The following MTCL2 variants were observed in gnomAD, a reference collection of about 807,000 sequenced individuals.
MTCL2 encodes microtubule crosslinking factor 2, also known as microtubule cross-linking factor 2.
the MTCL2 span, among the ~76,000 whole-genome samples, chr20:36,821,881 T>TG: frequency 4.6e-3 from 708 of 152,308 alleles, 3 homozygotes; most frequent in African/African-American, 0.016. Flanking sequence ...TACTACCTGC[T>TG]GGGGGGAAGG....
At chr20:36,793,186 A>C in the MTCL2 span, 2 of 1,468,388 alleles carry the variant, frequency 1.4e-6, no homozygotes, top group African/African-American at 2.8e-5. This position sits in a 1 kb window ranked among gnomAD's most constrained non-coding sequence, Gnocchi z 6.8. Flanking sequence ...AAAAACCAAA[A>C]GAGCTTGGAC....
the MTCL2 span, among the ~76,000 whole-genome samples, chr20:36,813,728 G>A: frequency 1.4e-5 from 2 of 142,874 alleles, no homozygotes; most frequent in African/African-American, 5.2e-5. Context: ...ACTCCAGCCT[G>A]GGCGACAGAG....
the MTCL2 span, chr20:36,862,926 A>G: frequency 7.4e-7 from 1 of 1,346,908 alleles, no homozygotes; most frequent in African/African-American, 1.5e-5. Flanking sequence ...GTCGCTGCTC[A>G]GCGCCAGCTC....
chr20:36,794,161 G>T, the MTCL2 span: 9 of 1,551,100 alleles, frequency 5.8e-6, no homozygotes, highest in Middle Eastern at 3.3e-4. The surrounding 1 kb of genome is among the most constrained non-coding windows in gnomAD (Gnocchi z 5.4). Context: ...GCCGTGAGAA[G>T]TTGCAGAGCC....
chr20:36,808,001 G>A, the MTCL2 span, among the ~76,000 whole-genome samples: 1 of 139,232 alleles, frequency 7.2e-6, no homozygotes, highest in South Asian at 2.5e-4. Context: ...TCAGCCTCCC[G>A]AGTAGCTGGG....
At chr20:36,839,175 TG>T in the MTCL2 span, 33 of 1,556,250 alleles carry the variant, frequency 2.1e-5, no homozygotes, top group Middle Eastern at 2.2e-4. This position sits in a 1 kb window ranked among gnomAD's most constrained non-coding sequence, Gnocchi z 5.1. Context: ...CTTAGACTTG[TG>T]GTCCCATCCC....
At chr20:36,781,705 A>G in the MTCL2 span, 4 of 150,460 alleles carry the variant, frequency 2.7e-5, no homozygotes, top group African/African-American at 7.3e-5. Flanking sequence ...AATAAATAAT[A>G]AATAAATAAA....
At chr20:36,841,874 G>GGGTGTGTGTGTGT in the MTCL2 span, among the ~76,000 whole-genome samples, 5 of 110,864 alleles carry the variant, frequency 4.5e-5, no homozygotes, top group African/African-American at 1.6e-4. Flanking sequence ...TGGGGGGTGG[G>GGGTGTGTGTGTGT]GTGTGTGTGT....
the MTCL2 span, among the ~76,000 whole-genome samples, chr20:36,817,130 G>T: frequency 6.6e-6 from 1 of 151,954 alleles, no homozygotes; most frequent in Non-Finnish European, 1.5e-5. Context: ...AGCCAGGTGT[G>T]GTGGTGCACG....
chr20:36,804,937 T>A, the MTCL2 span: 19 of 1,596,964 alleles, frequency 1.2e-5, no homozygotes, highest in South Asian at 2.0e-4. Flanking sequence ...GTCAAGAGCC[T>A]CTGTGGGGTA....
the MTCL2 span, among the ~76,000 whole-genome samples, chr20:36,825,561 G>GCCCAA: frequency 6.6e-6 from 1 of 152,188 alleles, no homozygotes; most frequent in Admixed American, 6.5e-5. Context: ...CCTCGGCCAG[G>GCCCAA]GTCTGCCACC....
the MTCL2 span, chr20:36,793,862 C>T: frequency 4.5e-6 from 7 of 1,548,004 alleles, no homozygotes; most frequent in African/African-American, 5.5e-5. This position sits in a 1 kb window ranked among gnomAD's most constrained non-coding sequence, Gnocchi z 6.8. Flanking sequence ...CGAAGAGCTG[C>T]GGGGTGACCA....
the MTCL2 span, among the ~76,000 whole-genome samples, chr20:36,814,752 T>C: frequency 9.2e-5 from 14 of 152,040 alleles, no homozygotes; most frequent in Non-Finnish European, 1.6e-4. Context: ...CCAGGCATGA[T>C]GGAGGGCGCC....
the MTCL2 span, among the ~76,000 whole-genome samples, chr20:36,826,210 C>T: frequency 2.6e-5 from 4 of 150,980 alleles, no homozygotes; most frequent in African/African-American, 7.3e-5. Context: ...GGGGTTTCAC[C>T]GTGTTAGCCA....
chr20:36,785,861 C>CA, the MTCL2 span: 20 of 985,836 alleles, frequency 2.0e-5, no homozygotes, highest in Admixed American at 2.5e-4. Context: ...TCCAGGGCTC[C>CA]AGGACACTAA....
the MTCL2 span, chr20:36,793,864 G>C: frequency 6.5e-7 from 1 of 1,548,592 alleles, no homozygotes; most frequent in Non-Finnish European, 8.7e-7. The surrounding 1 kb of genome is among the most constrained non-coding windows in gnomAD (Gnocchi z 6.8). Context: ...AAGAGCTGCG[G>C]GGTGACCAGG....
chr20:36,858,675 A>G, the MTCL2 span, among the ~76,000 whole-genome samples: 3 of 152,328 alleles, frequency 2.0e-5, no homozygotes, highest in East Asian at 1.9e-4. Context: ...GCTATGAATA[A>G]TAACAATTCC....
the MTCL2 span, among the ~76,000 whole-genome samples, chr20:36,858,902 T>G: frequency 4.6e-5 from 7 of 152,144 alleles, no homozygotes; most frequent in African/African-American, 1.7e-4. Context: ...GTGATTCTCC[T>G]GCCTCAGCCT....
chr20:36,808,839 T>A, the MTCL2 span: 1 of 1,144,920 alleles, frequency 8.7e-7, no homozygotes, highest in Non-Finnish European at 1.2e-6. Flanking sequence ...AAAGTCTGGG[T>A]GGTGCCTGTG....
Sources: allele counts gnomAD v4.1 joint callset (sites outside exome capture counted in the v4.1 genomes callset), GRCh38; gene constraint gnomAD v4.1.1; non-coding constraint Gnocchi (gnomAD v3.1); transcripts MANE v1.5; gene names NCBI Gene and HGNC (gene_info 2026-07-23, HGNC 2026-07-21).